Variants in L3MBTL4 observed in about 807,000 individuals in gnomAD.
L3MBTL4 encodes L3MBTL histone methyl-lysine binding protein 4, also known as lethal(3)malignant brain tumor-like protein 4.
A neutral mutation model predicts 84.5 loss-of-function variants in L3MBTL4; 70 were observed. That is an observed-to-expected ratio of 0.83 (90% CI 0.68 to 1.01). The LOEUF (loss-of-function observed/expected upper bound fraction) is 1.01, where lower values mean the gene tolerates loss of function less well. Ranked by LOEUF, L3MBTL4 falls within the 50% of genes least tolerant of loss-of-function variation. The pLI is 0.00. For synonymous variants in L3MBTL4, 274 were observed against 259.8 expected (o/e 1.05, Z -0.52); for missense variants, 715 against 754.8 (o/e 0.95, Z 0.62).
intron 16 of L3MBTL4, among the ~76,000 whole-genome samples, chr18:6,040,814 C>T (rs1297546466): frequency 2.6e-5 from 4 of 152,176 alleles, no homozygotes; most frequent in Non-Finnish European, 5.9e-5. Flanking sequence ...CCTTATCCTG[C>T]CATTCCCATG....
At chr18:6,320,853 C>T (rs1276259196) in intron 1 of L3MBTL4, among the ~76,000 whole-genome samples, 3 of 152,054 alleles carry the variant, frequency 2.0e-5, no homozygotes, top group Non-Finnish European at 2.9e-5. Context: ...TACCAAAAGG[C>T]TATAGTTACC....
intron 1 of L3MBTL4, among the ~76,000 whole-genome samples, chr18:6,319,144 C>T (rs1226321722): frequency 6.6e-6 from 1 of 152,008 alleles, no homozygotes; most frequent in African/African-American, 2.4e-5. Context: ...GCTAAGAGTA[C>T]AGTTTACAAT....
chr18:6,350,518 T>C (rs113497556), intron 1 of L3MBTL4, among the ~76,000 whole-genome samples: 1 of 149,834 alleles, frequency 6.7e-6, no homozygotes, highest in African/African-American at 2.5e-5. Context: ...CACAATGAGA[T>C]ACCACTTTAC....
At chr18:6,214,597 G>A (rs2046247698) in intron 11 of L3MBTL4, among the ~76,000 whole-genome samples, 1 of 152,186 alleles carries the variant, frequency 6.6e-6, no homozygotes, top group African/African-American at 2.4e-5. Flanking sequence ...TATCTGGTGT[G>A]TTTCTCTCCA....
chr18:5,964,798 C>T (rs1268819519), intron 17 of L3MBTL4, among the ~76,000 whole-genome samples: 1 of 152,106 alleles, frequency 6.6e-6, no homozygotes, highest in Non-Finnish European at 1.5e-5. Flanking sequence ...GCCCTGCCTG[C>T]CCGCGTGTGC....
chr18:6,410,523 T>C (rs1391523427), intron 1 of L3MBTL4, among the ~76,000 whole-genome samples: 1 of 151,968 alleles, frequency 6.6e-6, no homozygotes, highest in Non-Finnish European at 1.5e-5. Flanking sequence ...AATAAAGGAC[T>C]GGAGCAATGC....
chr18:6,032,631 T>A (rs1192605140), intron 16 of L3MBTL4, among the ~76,000 whole-genome samples: 1 of 152,142 alleles, frequency 6.6e-6, no homozygotes, highest in Admixed American at 6.5e-5. Flanking sequence ...CCTAATGTTA[T>A]GCAACCATCA....
chr18:6,211,325 CCTT>C (rs1310064818), intron 12 of L3MBTL4, among the ~76,000 whole-genome samples: 2 of 152,210 alleles, frequency 1.3e-5, no homozygotes, highest in Non-Finnish European at 2.9e-5. Context: ...TCCACACCCT[CCTT>C]AATTCACTCA....
chr18:6,388,692 C>A (rs2054922870), intron 1 of L3MBTL4, among the ~76,000 whole-genome samples: 1 of 152,196 alleles, frequency 6.6e-6, no homozygotes, highest in Non-Finnish European at 1.5e-5. Flanking sequence ...GTGTAATTAA[C>A]AAAACATTCA....
At chr18:5,999,408 C>T (rs574787834) in intron 16 of L3MBTL4, among the ~76,000 whole-genome samples, 7 of 152,142 alleles carry the variant, frequency 4.6e-5, no homozygotes, top group Non-Finnish European at 1.0e-4. Flanking sequence ...CTGTTTCCAC[C>T]TTTATGCCCC....
At chr18:5,976,514 A>G (rs1000227732) in intron 16 of L3MBTL4, among the ~76,000 whole-genome samples, 4 of 152,162 alleles carry the variant, frequency 2.6e-5, no homozygotes, top group East Asian at 1.9e-4. Context: ...TGGAGTAATG[A>G]TAACAGGGCT....
At chr18:6,160,643 A>T (rs539206392) in intron 13 of L3MBTL4, among the ~76,000 whole-genome samples, 3 of 151,802 alleles carry the variant, frequency 2.0e-5, no homozygotes, top group South Asian at 4.2e-4. Context: ...AGACAGGAGA[A>T]TCACTTGAAC....
intron 16 of L3MBTL4, among the ~76,000 whole-genome samples, chr18:6,059,311 C>A (rs2057129834): frequency 6.6e-6 from 1 of 152,160 alleles, no homozygotes; most frequent in African/African-American, 2.4e-5. Flanking sequence ...CTCCCTCAAG[C>A]CTTGTACCTA....
At chr18:6,373,201 G>A (rs1013688221) in intron 1 of L3MBTL4, among the ~76,000 whole-genome samples, 3 of 152,152 alleles carry the variant, frequency 2.0e-5, no homozygotes, top group South Asian at 2.1e-4. Flanking sequence ...TCCAGTTTGC[G>A]CATCCTTGTC....
chr18:6,241,281 A>C, intron 8 of L3MBTL4, 77 bp downstream of exon 8: 2 of 845,850 alleles, frequency 2.4e-6, no homozygotes, highest in South Asian at 3.0e-5. Flanking sequence ...GATTAAAATA[A>C]AACAGAATAT....
At chr18:5,985,255 C>T (rs547016080) in intron 16 of L3MBTL4, among the ~76,000 whole-genome samples, 1 of 152,088 alleles carries the variant, frequency 6.6e-6, no homozygotes, top group Admixed American at 6.6e-5. Flanking sequence ...AGTGGGAAAC[C>T]GGAAGGCAGA....
chr18:6,132,360 A>G (rs772108873), intron 14 of L3MBTL4, among the ~76,000 whole-genome samples: 5 of 151,926 alleles, frequency 3.3e-5, no homozygotes, highest in Non-Finnish European at 7.4e-5. Flanking sequence ...CATTTCTGAG[A>G]CCCTGGAATC....
intron 1 of L3MBTL4, among the ~76,000 whole-genome samples, chr18:6,403,235 G>C (rs1005124621): frequency 6.6e-6 from 1 of 152,136 alleles, no homozygotes; most frequent in Admixed American, 6.6e-5. Flanking sequence ...AAGTATTTTT[G>C]CATATTTAAC....
intron 13 of L3MBTL4, among the ~76,000 whole-genome samples, chr18:6,164,793 C>T (rs571608395): frequency 6.8e-4 from 103 of 152,316 alleles, no homozygotes; most frequent in African/African-American, 1.9e-3. Flanking sequence ...TCCAAAGGAA[C>T]GCAGCTCCTC....
Sources: gnomAD v4.1 joint callset for allele counts (sites outside exome capture counted in the v4.1 genomes callset) on GRCh38, gnomAD v4.1.1 for gene constraint, MANE v1.5 for transcripts, NCBI Gene and HGNC (gene_info 2026-07-23, HGNC 2026-07-21) for gene names.